ANK3: variants seen among roughly 807,000 people sequenced by gnomAD.
ANK3 encodes the protein ankyrin-3.
ANK3 carries 57 observed loss-of-function variants against 370.9 expected under a neutral mutation model. That is an observed-to-expected ratio of 0.15 (90% CI 0.12 to 0.19). The LOEUF is 0.19. ANK3 is among the 10% of genes least tolerant of loss of function. The pLI is 1.00. For synonymous variants in ANK3, 1,929 were observed against 1,946.3 expected, an observed-to-expected ratio of 0.99 and a Z score of 0.23; for missense variants, 4,439 against 5,302.1, an observed-to-expected ratio of 0.84 and a Z score of 5.06.
At chr10:60,453,877 C>T (rs1352942106) in intron 2 of ANK3, among the ~76,000 whole-genome samples, 3 of 152,010 alleles carry the variant, frequency 2.0e-5, no homozygotes, top group African/African-American at 7.3e-5. Context: ...ATTATAACTC[C>T]CATATGACTT....
chr10:60,173,600 A>G lies in ANK3; in HGVS notation c.2185-414T>C, dbSNP rs556337669. The stretch of plus-strand genomic sequence containing the variant: ...AATCTAGGCAAAAATGAAGTGGCTA[A>G]ATAATAACACATGGCAGGAGGTGAT... On this transcript the variant is annotated intron_variant, in intron 18 of 43. Coordinates refer to ENST00000280772, the MANE Select transcript of ANK3 (RefSeq NM_020987.5). Among the ~76,000 whole-genome samples the G allele has an allele frequency of 2.0e-5, 3 of 152,360 alleles. No individual in the cohort carries two copies. In the East Asian group the frequency reaches 5.8e-4, roughly 29 times the overall value.
intron 2 of ANK3, among the ~76,000 whole-genome samples, chr10:60,402,627 C>T (rs1365652932): frequency 1.9e-4 from 29 of 152,198 alleles, no homozygotes; most frequent in Non-Finnish European, 1.5e-5. Flanking sequence ...CAATTTTGCA[C>T]TAGTCCAAGC....
chr10:60,666,973 G>A (rs1363835437), intron 1 of ANK3, among the ~76,000 whole-genome samples: 1 of 151,988 alleles, frequency 6.6e-6, no homozygotes, highest in Non-Finnish European at 1.5e-5. Context: ...GAGGATGCCT[G>A]TTAAAATTAA....
chr10:60,198,569 G>A (rs1339371736), intron 13 of ANK3, 32 bp from the exon 14 acceptor site: 1 of 1,597,734 alleles, frequency 6.3e-7, no homozygotes, highest in Admixed American at 1.7e-5. Context: ...TAAGGCTGAT[G>A]AGCTGAGGAA....
chr10:60,088,419 T>G, intron 28 of ANK3, 61 bp from the exon 29 acceptor site: 1 of 1,415,614 alleles, frequency 7.1e-7, no homozygotes, highest in Non-Finnish European at 9.8e-7. Flanking sequence ...ATACCTTAAG[T>G]CAAAATGATA....
chr10:60,559,483 A>G (rs530218028), intron 2 of ANK3, among the ~76,000 whole-genome samples: 12 of 152,248 alleles, frequency 7.9e-5, no homozygotes, highest in African/African-American at 2.6e-4. Flanking sequence ...TTTGCTAAAA[A>G]CTGTGCTAGC....
intron 2 of ANK3, among the ~76,000 whole-genome samples, chr10:60,469,575 GTATA>G (rs1164081698): frequency 1.7e-3 from 2 of 1,198 alleles, no homozygotes; most frequent in African/African-American, 6.8e-3. Flanking sequence ...ATATATGGTG[GTATA>G]TATATATATA....
chr10:60,627,843 A>G (rs781385203), intron 1 of ANK3, among the ~76,000 whole-genome samples: 1 of 152,170 alleles, frequency 6.6e-6, no homozygotes, highest in African/African-American at 2.4e-5. Context: ...AAATAACGCC[A>G]TAACATCACT....
intron 1 of ANK3, among the ~76,000 whole-genome samples, chr10:60,633,241 C>G (rs1361992765): frequency 6.6e-6 from 1 of 152,062 alleles, no homozygotes; most frequent in East Asian, 1.9e-4. Flanking sequence ...TCATGACATA[C>G]AGCAAAGCTT....
chr10:60,636,244 T>C (rs550201633), intron 1 of ANK3, among the ~76,000 whole-genome samples: 1 of 152,310 alleles, frequency 6.6e-6, no homozygotes, highest in East Asian at 1.9e-4. Context: ...TAAAAAAAAT[T>C]TTAACCCTTG....
intron 2 of ANK3, among the ~76,000 whole-genome samples, chr10:60,611,849 G>A (rs1324477178): frequency 1.3e-5 from 2 of 150,140 alleles, no homozygotes; most frequent in Non-Finnish European, 3.0e-5. Flanking sequence ...ATGTTGCCAC[G>A]GGAGTCATAT....
chr10:60,398,889 C>T (rs186798073), intron 2 of ANK3, among the ~76,000 whole-genome samples: 62 of 152,292 alleles, frequency 4.1e-4, no homozygotes, highest in Middle Eastern at 3.4e-3. Context: ...TCACTATGTC[C>T]AGTTCCTCCC....
intron 21 of ANK3, among the ~76,000 whole-genome samples, chr10:60,167,758 G>C (rs777547728): frequency 6.6e-6 from 1 of 151,672 alleles, no homozygotes; most frequent in Non-Finnish European, 1.5e-5. Context: ...AAAAAAGCCA[G>C]GTTGTTAAAA....
At chr10:60,200,309 A>G in intron 12 of ANK3, 82 bp from the exon 13 acceptor site, 1 of 1,090,474 alleles carries the variant, frequency 9.2e-7, no homozygotes. Context: ...CTTATGATGG[A>G]CTTTTTTCAA....
chr10:60,361,450 T>G (rs1392570566), intron 1 of ANK3, among the ~76,000 whole-genome samples: 3 of 152,228 alleles, frequency 2.0e-5, no homozygotes, highest in Non-Finnish European at 4.4e-5. Flanking sequence ...ATTGGAATGT[T>G]TAGGGAATAG....
upstream of ANK3, among the ~76,000 whole-genome samples, chr10:60,394,509 A>G (rs1406494848): frequency 1.3e-5 from 2 of 152,116 alleles, no homozygotes; most frequent in East Asian, 3.9e-4. Context: ...AGTGCTGGAG[A>G]GAGAGCCAGC....
chr10:60,613,430 A>G (rs989254429), intron 2 of ANK3, among the ~76,000 whole-genome samples: 1 of 152,350 alleles, frequency 6.6e-6, no homozygotes, highest in East Asian at 1.9e-4. Context: ...TCCATTTTTA[A>G]TCTTTAAAGG....
At chr10:60,149,831 C>A (rs551712284) in intron 23 of ANK3, among the ~76,000 whole-genome samples, 21 of 152,236 alleles carry the variant, frequency 1.4e-4, no homozygotes, top group Non-Finnish European at 2.1e-4. Context: ...GCCTCAGCCT[C>A]CTGAGTAGCT....
Position 60,196,627 on chromosome 10 carries a change from T to TAAAA in ANK3, c.1690-3_1690-2insTTTT. 1 of 1,501,342 alleles carries TAAAA rather than the reference T, an allele frequency of 6.7e-7. No individual in the cohort carries two copies. The highest frequency in any genetic ancestry group is 1.8e-5 in the African/African-American group (1 of 54,890). 93.0% of individuals were successfully genotyped at this position (1,501,342 alleles called of 1,614,324 possible). ...CACATGAAGAGGAGTAAATCCTTTC[T>TAAAA]GAAAAAAAAAAAACATAAAAATAAT... On this transcript the variant is annotated splice_polypyrimidine_tract_variant and splice_region_variant and intron_variant, in intron 14 of 43. Coordinates refer to ENST00000280772, the MANE Select transcript of ANK3 (RefSeq NM_020987.5).
Sources: allele counts gnomAD v4.1 joint callset (sites outside exome capture counted in the v4.1 genomes callset), GRCh38; gene constraint gnomAD v4.1.1; transcripts MANE v1.5; gene names NCBI Gene and HGNC (gene_info 2026-07-23, HGNC 2026-07-21).